The following NPAT variants were observed in gnomAD, a reference collection of about 807,000 sequenced individuals.
NPAT encodes the protein protein NPAT.
Under a neutral mutation model 130.7 loss-of-function variants are expected in NPAT, and 52 were observed. That is an observed-to-expected ratio of 0.40 (90% CI 0.32 to 0.50). NPAT has a LOEUF of 0.50. Ranked by LOEUF, NPAT falls within the 20% of genes least tolerant of loss-of-function variation. The pLI, the probability that NPAT is intolerant of heterozygous loss-of-function variation, is 0.68. For synonymous variants in NPAT, 580 were observed against 584.8 expected, an observed-to-expected ratio of 0.99 and a Z score of 0.12; for missense variants, 1,687 against 1,662.6, an observed-to-expected ratio of 1.01 and a Z score of -0.26.
chr11:108,169,855 G>A lies in NPAT; in HGVS notation c.2902-3C>T, dbSNP rs753132431. 1 of 1,612,972 alleles carries A rather than the reference G, an allele frequency of 6.2e-7. No individual in the cohort carries two copies. Among genetic ancestry groups the A allele is most frequent in the East Asian group, 2.2e-5 (1 of 44,864 alleles). ...GCTGTCAAAGGCATATGAAGAACCT[G>A]GAAGAGAAAAAGCCATTAATTACAC... On this transcript the variant is annotated splice_polypyrimidine_tract_variant and splice_region_variant and intron_variant, in intron 14 of 17. Transcript: ENST00000278612.
intron 1 of NPAT, among the ~76,000 whole-genome samples, chr11:108,204,517 T>C (rs1315321183): frequency 9.9e-5 from 15 of 151,670 alleles, no homozygotes; most frequent in Admixed American, 9.9e-4. Context: ...TGTAATCTCA[T>C]TCTTCTCAGA....
chr11:108,199,641 C>T (rs929552459), intron 1 of NPAT, among the ~76,000 whole-genome samples: 2 of 152,196 alleles, frequency 1.3e-5, no homozygotes, highest in Non-Finnish European at 2.9e-5. Flanking sequence ...AAAGGACAGG[C>T]TTGCTGGGGA....
At chr11:108,174,615 C>CTT (rs1208012953) in intron 12 of NPAT, among the ~76,000 whole-genome samples, 34 of 132,620 alleles carry the variant, frequency 2.6e-4, no homozygotes, top group African/African-American at 5.3e-4. Flanking sequence ...AGAGTATTTC[C>CTT]TTTTTTTTTT....
chr11:108,206,928 T>A (rs1483899889), intron 1 of NPAT, among the ~76,000 whole-genome samples: 1 of 152,080 alleles, frequency 6.6e-6, no homozygotes, highest in Non-Finnish European at 1.5e-5. Flanking sequence ...ATACCCACAG[T>A]GGGAAGCTCC....
intron 1 of NPAT, chr11:108,208,640 C>T: frequency 9.8e-6 from 3 of 307,638 alleles, no homozygotes; most frequent in Non-Finnish European, 1.9e-5. Flanking sequence ...ATAAATACAC[C>T]TAACTGAGCC....
chr11:108,194,025 GA>G lies in NPAT; in HGVS notation c.157-9del. 7.1e-7 allele frequency: 1 copy of G among 1,416,758 alleles called. No individual in the cohort carries two copies. The highest frequency in any genetic ancestry group is 1.0e-6 in the Non-Finnish European group (1 of 1,003,270). The allele number at this position is 1,416,758 out of a possible 1,614,324, so 87.8% of individuals were successfully genotyped here. On this transcript the variant is annotated splice_polypyrimidine_tract_variant and intron_variant, in intron 2 of 17. Transcript: ENST00000278612. ...GTTTTTTCCAAATAAGGACTGAAAA[GA>G]AAAAGATCAAATATTACCAAAATTG...
intron 8 of NPAT, 53 bp from the exon 9 acceptor site, chr11:108,185,547 T>A: frequency 8.7e-7 from 1 of 1,152,928 alleles, no homozygotes; most frequent in Non-Finnish European, 1.3e-6. Flanking sequence ...ATTCTGCTAT[T>A]TAATATTTAT....
chr11:108,210,004 A>G (rs2078369625), intron 1 of NPAT, among the ~76,000 whole-genome samples: 1 of 152,004 alleles, frequency 6.6e-6, no homozygotes, highest in East Asian at 1.9e-4. Context: ...ACAAAAATAG[A>G]GAAAAATGAA....
At chr11:108,170,201 C>CAA in intron 13 of NPAT, 158 bp from the exon 14 acceptor site, 1 of 480,820 alleles carries the variant, frequency 2.1e-6, no homozygotes, top group Non-Finnish European at 3.8e-6. Flanking sequence ...CAAAACAAAA[C>CAA]AAAAAAAACG....
chr11:108,173,663 C>T lies in NPAT; in HGVS notation c.1321G>A (p.Asp441Asn), dbSNP rs750776466. 1.2e-5 allele frequency: 20 copies of T among 1,614,160 alleles called. No individual in the cohort carries two copies. Among genetic ancestry groups the T allele is most frequent in the Non-Finnish European group, 1.6e-5 (19 of 1,180,036 alleles). ...AVPTEQKCDI[D>N]ITFESVPNLN... ...TTAGGCACGGACTCAAAGGTAATGT[C>T]AATGTCACACTTCTGTTCAGTGGGT... The change falls in exon 13 of 18, where the codon GAC (aspartate) becomes AAC (asparagine). Residue 441 changes from aspartate to asparagine, a missense_variant. Physicochemically the swap from Asp to Asn is conservative, Grantham distance 23. Transcript: ENST00000278612.
intron 1 of NPAT, among the ~76,000 whole-genome samples, chr11:108,210,859 C>T (rs1355895537): frequency 6.6e-6 from 1 of 152,188 alleles, no homozygotes; most frequent in Non-Finnish European, 1.5e-5. Flanking sequence ...TTCTTTTAGA[C>T]CAATATTGCC....
intron 1 of NPAT, among the ~76,000 whole-genome samples, chr11:108,217,819 CCA>C (rs1441634300): frequency 2.6e-5 from 4 of 151,984 alleles, no homozygotes; most frequent in African/African-American, 9.7e-5. Context: ...ATGGTGAAAC[CCA>C]GTCTCTACTA....
Position 108,185,319 on chromosome 11 carries a change from A to G in NPAT, c.819T>C (p.Ser273=), listed in dbSNP as rs763967156. 32 of 1,605,548 alleles carry G rather than the reference A, an allele frequency of 2.0e-5. No individual in the cohort carries two copies. The Admixed American group carries it at 4.0e-4, about 20-fold the overall frequency. The change falls in exon 10 of 18, where the codon AGT becomes AGC. Residue 273 remains serine, a splice_region_variant and synonymous_variant. Coordinates refer to ENST00000278612, the MANE Select transcript of NPAT (RefSeq NM_002519.3). ...LAENINKFLT[S]DNNIAQVPKQ... is the part of the protein sequence containing the mutation. ...TAGGTACTTGGGCAATATTGTTATC[A>G]CTGTTAATAAAGAAAGAAAAATCTT...
chr11:108,221,966 T>C lies in NPAT; in HGVS notation c.37+534A>G, dbSNP rs559147919. Reference sequence around the variant, plus strand: ...AAATATGCAACTGGCATTTCACACCTCTACACTGGACGACGTATTGCGTGG... The same window carrying C: ...AAATATGCAACTGGCATTTCACACCCCTACACTGGACGACGTATTGCGTGG... On this transcript the variant is annotated intron_variant, in intron 1 of 17. Transcript: ENST00000278612. Among the ~76,000 whole-genome samples, 12 of 152,250 alleles carry C rather than the reference T, an allele frequency of 7.9e-5. No homozygotes were observed. In the South Asian group the frequency reaches 2.5e-3, roughly 32 times the overall value.
rs116012513 is a variant in NPAT, at chr11:108,169,624, T to C, written c.3010+120A>G. The C allele has an allele frequency of 1.2e-3, 920 of 772,702 alleles. 6 individuals are homozygous for C. The African/African-American group carries it at 0.013, about 11-fold the overall frequency. The allele number at this position is 772,702 out of a possible 1,614,324, so 47.9% of individuals were successfully genotyped here. A position where few individuals can be genotyped will look rare whatever the true frequency, so the allele number is the denominator to read the frequency against. On this transcript the variant is annotated intron_variant, in intron 15 of 17. Coordinates refer to ENST00000278612, the MANE Select transcript of NPAT (RefSeq NM_002519.3). Reference sequence around the variant, plus strand: ...CATTATGACATCTGTTACTAGCAAATGTAGGGTGATCACTTGTTTTAAAAT... The same window carrying C: ...CATTATGACATCTGTTACTAGCAAACGTAGGGTGATCACTTGTTTTAAAAT...
chr11:108,187,039 A>C (rs1268337553), intron 7 of NPAT, among the ~76,000 whole-genome samples: 3 of 152,186 alleles, frequency 2.0e-5, no homozygotes, highest in Non-Finnish European at 4.4e-5. Flanking sequence ...CTGACTCTCT[A>C]ACCTACTTTA....
chr11:108,196,687 C>T lies in NPAT; in HGVS notation c.156+615G>A, dbSNP rs557357487. Reference sequence around the variant, plus strand: ...TTTGTTTGTTTGTTGCTATTATAAACGGGTATTTTCAAAATCCAATTGTTC... The same window carrying T: ...TTTGTTTGTTTGTTGCTATTATAAATGGGTATTTTCAAAATCCAATTGTTC... On this transcript the variant is annotated intron_variant, in intron 2 of 17. Coordinates refer to ENST00000278612, the MANE Select transcript of NPAT (RefSeq NM_002519.3). Among the ~76,000 whole-genome samples, 14 of 152,194 alleles carry T rather than the reference C, an allele frequency of 9.2e-5. No homozygotes were observed. The East Asian group carries it at 1.2e-3, about 13-fold the overall frequency.
chr11:108,160,099 A>C (rs2077831154), intron 17 of NPAT, among the ~76,000 whole-genome samples: 1 of 151,936 alleles, frequency 6.6e-6, no homozygotes, highest in East Asian at 1.9e-4. Flanking sequence ...GCAGTGAGGC[A>C]AGATCACGCC....
rs74585168 is a variant in NPAT at position 108,161,027 on chromosome 11, T to G, written c.4059A>C (p.Lys1353Asn). The G allele has an allele frequency of 1.2e-6, 2 of 1,614,210 alleles. No individual in the cohort carries two copies. Among genetic ancestry groups the G allele is most frequent in the African/African-American group, 2.7e-5 (2 of 75,054 alleles). The change falls in exon 17 of 18, where the codon AAA becomes AAC. Residue 1353 changes from lysine (K) to asparagine (N), a missense_variant. Physicochemically the swap from Lys to Asn is moderately conservative, Grantham distance 94 (BLOSUM62 0). Coordinates refer to ENST00000278612, the MANE Select transcript of NPAT (RefSeq NM_002519.3). Reference protein sequence around the residue: ...ISRTTSATPLKDNTQQFRASS... With the variant: ...ISRTTSATPLNDNTQQFRASS... ...ATGCTCTAAACTGTTGTGTGTTATC[T>G]TTCAGAGGAGTTGCTGAAGTAGTCC...
Sources: gnomAD v4.1 joint callset for allele counts (sites outside exome capture counted in the v4.1 genomes callset) on GRCh38, gnomAD v4.1.1 for gene constraint, MANE v1.5 for transcripts, NCBI Gene and HGNC (gene_info 2026-07-23, HGNC 2026-07-21) for gene names.